Variants in GCH1 observed in about 807,000 individuals in gnomAD.
The protein encoded by GCH1 is GTP cyclohydrolase I.
In GCH1, 5 loss-of-function variants were observed where a neutral mutation model predicts 25.9. The observed-to-expected ratio is 0.19, with a 90% CI of 0.10 to 0.41. GCH1 has a LOEUF of 0.41. Among genes scored for constraint, GCH1 ranks in the 10% least tolerant of loss-of-function variants. GCH1 has a pLI of 1.00. For missense variants in GCH1, 261 were observed against 336.5 expected (o/e 0.78, Z 1.75); for synonymous variants, 159 against 129.6 (o/e 1.23, Z -1.54).
At chr14:54,897,263 G>C (rs2040500835) in intron 1 of GCH1, among the ~76,000 whole-genome samples, 1 of 148,406 alleles carries the variant, frequency 6.7e-6, no homozygotes, top group African/African-American at 2.6e-5. Flanking sequence ...TGGGATTACA[G>C]ACTTGAGCCC....
intron 1 of GCH1, among the ~76,000 whole-genome samples, chr14:54,899,455 C>G (rs2040532263): frequency 6.6e-6 from 1 of 152,036 alleles, no homozygotes; most frequent in African/African-American, 2.4e-5. Flanking sequence ...CAAACCCTGT[C>G]TCAAAAACAT....
intron 1 of GCH1, among the ~76,000 whole-genome samples, chr14:54,876,276 G>A (rs951676302): frequency 1.3e-5 from 2 of 152,136 alleles, no homozygotes; most frequent in Non-Finnish European, 2.9e-5. Flanking sequence ...CTCACTCATA[G>A]GTGGGAATTG....
intron 4 of GCH1, 60 bp from the exon 5 acceptor site, chr14:54,845,912 C>G: frequency 4.4e-6 from 4 of 904,628 alleles, no homozygotes; most frequent in Non-Finnish European, 7.5e-6. Flanking sequence ...GAAGCTTTTT[C>G]TGTCTCTAGA....
At chr14:54,855,974 A>G (rs1308928180) in intron 3 of GCH1, among the ~76,000 whole-genome samples, 1 of 152,122 alleles carries the variant, frequency 6.6e-6, no homozygotes, top group Non-Finnish European at 1.5e-5. Context: ...AAAAGTTTTC[A>G]CTTTATTCAC....
At chr14:54,888,654 A>G (rs531034966) in intron 1 of GCH1, among the ~76,000 whole-genome samples, 90 of 150,630 alleles carry the variant, frequency 6.0e-4, no homozygotes, top group African/African-American at 2.0e-3. Context: ...CTGGGACTAC[A>G]GGCGCCCACA....
At chr14:54,892,979 C>G (rs1220880932) in intron 1 of GCH1, among the ~76,000 whole-genome samples, 1 of 151,076 alleles carries the variant, frequency 6.6e-6, no homozygotes, top group African/African-American at 2.4e-5. Flanking sequence ...CTCGGGAGGC[C>G]GAGGCAGGGT....
intron 3 of GCH1, among the ~76,000 whole-genome samples, chr14:54,854,459 C>T (rs1340014839): frequency 1.3e-5 from 2 of 152,082 alleles, no homozygotes; most frequent in Non-Finnish European, 2.9e-5. Flanking sequence ...TCACTCCTCA[C>T]CCCAAAATAC....
Position 54,887,706 on chromosome 14 carries a change from C to T in GCH1, c.343+14615G>A, listed in dbSNP as rs189032663. On this transcript the variant is annotated intron_variant, in intron 1 of 5. Transcript: ENST00000491895. Reference sequence around the variant, plus strand: ...GGGTGGTGTAAATCATTAAGAAAAACGCTTTTTAGGGTGACATTTCACCTC... The same window carrying T: ...GGGTGGTGTAAATCATTAAGAAAAATGCTTTTTAGGGTGACATTTCACCTC... Among the ~76,000 whole-genome samples, 28 of 152,190 alleles carry T rather than the reference C, an allele frequency of 1.8e-4. No individual in the cohort carries two copies. The East Asian group carries it at 4.4e-3, about 24-fold the overall frequency.
intron 3 of GCH1, among the ~76,000 whole-genome samples, chr14:54,855,663 A>G (rs997596164): frequency 2.0e-5 from 3 of 151,336 alleles, no homozygotes; most frequent in Non-Finnish European, 4.4e-5. Context: ...AAAATACAAA[A>G]ATTAGCCAGG....
intron 1 of GCH1, among the ~76,000 whole-genome samples, chr14:54,877,363 T>C (rs1427260941): frequency 1.3e-5 from 2 of 152,228 alleles, no homozygotes; most frequent in East Asian, 3.8e-4. Flanking sequence ...TTTTCAGGTA[T>C]ACCTTTCTCA....
chr14:54,895,257 G>A (rs962789667), intron 1 of GCH1, among the ~76,000 whole-genome samples: 1 of 152,156 alleles, frequency 6.6e-6, no homozygotes, highest in Non-Finnish European at 1.5e-5. Flanking sequence ...TGCTTCCTCA[G>A]CCCTCACAGG....
chr14:54,871,681 C>G (rs562161665), intron 1 of GCH1, among the ~76,000 whole-genome samples: 2 of 151,914 alleles, frequency 1.3e-5, no homozygotes, highest in African/African-American at 2.4e-5. Flanking sequence ...AACCATGGCA[C>G]GAGAACTACG....
chr14:54,847,208 A>G, intron 3 of GCH1, 78 bp from the exon 4 acceptor site: 1 of 633,402 alleles, frequency 1.6e-6, no homozygotes. Context: ...TAAAACAAAA[A>G]GGACATTGTT....
intron 1 of GCH1, among the ~76,000 whole-genome samples, chr14:54,879,025 G>A (rs2040203532): frequency 6.6e-6 from 1 of 152,086 alleles, no homozygotes; most frequent in Non-Finnish European, 1.5e-5. Context: ...CTCCCAAAGT[G>A]CTCGAATTAC....
chr14:54,902,299 A>G, intron 1 of GCH1, 22 bp downstream of exon 1: 1 of 1,608,960 alleles, frequency 6.2e-7, no homozygotes, highest in Non-Finnish European at 8.5e-7. Context: ...CGCACGCTCT[A>G]GCAGCCCGCG....
In GCH1 at chr14:54,843,762, G is replaced by A. The variant is rs764546157; in HGVS notation, c.*255C>T. ...CAGGCCCCTCTGGTTATCTGGCAGTGGTTTTGTGCACGTACTTACACTATT... is the reference window on the plus strand; with the variant it reads ...CAGGCCCCTCTGGTTATCTGGCAGTAGTTTTGTGCACGTACTTACACTATT... On this transcript the variant is annotated 3_prime_UTR_variant, in exon 6 of 6. Coordinates refer to ENST00000491895, the MANE Select transcript of GCH1 (RefSeq NM_000161.3). 1.2e-6 allele frequency: 2 copies of A among 1,613,810 alleles called. No individual in the cohort carries two copies. Among genetic ancestry groups the A allele is most frequent in the African/African-American group, 2.7e-5 (2 of 74,900 alleles).
chr14:54,866,963 C>T (rs1296011766), intron 1 of GCH1, among the ~76,000 whole-genome samples: 5 of 152,176 alleles, frequency 3.3e-5, no homozygotes, highest in African/African-American at 1.2e-4. Flanking sequence ...CTTTTCTATG[C>T]TGAATATTCT....
chr14:54,873,962 G>C lies in GCH1; in HGVS notation c.344-8526C>G, dbSNP rs534060698. Among the ~76,000 whole-genome samples the C allele has an allele frequency of 2.3e-3, 356 of 152,212 alleles. 2 individuals are homozygous for C. The highest frequency in any genetic ancestry group is 8.0e-3 in the African/African-American group (332 of 41,520). The stretch of plus-strand genomic sequence containing the variant: ...CCTTCTGAAACTATTCCAATCAATA[G>C]AAAAAGAGGGAATCCTCCCTAACTC... On this transcript the variant is annotated intron_variant, in intron 1 of 5. Coordinates refer to ENST00000491895, the MANE Select transcript of GCH1 (RefSeq NM_000161.3).
chr14:54,890,125 T>C (rs1056453427), intron 1 of GCH1, among the ~76,000 whole-genome samples: 1 of 152,176 alleles, frequency 6.6e-6, no homozygotes. Context: ...ATTCTAGAAA[T>C]ATTCAGGTGG....
Sources: gnomAD v4.1 joint callset for allele counts (sites outside exome capture counted in the v4.1 genomes callset) on GRCh38, gnomAD v4.1.1 for gene constraint, MANE v1.5 for transcripts, NCBI Gene and HGNC (gene_info 2026-07-23, HGNC 2026-07-21) for gene names.